CHGA: variants seen among roughly 807,000 people sequenced by gnomAD.
CHGA encodes the protein chromogranin A, also known as chromogranin-A.
CHGA carries 41 observed loss-of-function variants against 54.4 expected under a neutral mutation model. The ratio of observed to expected loss-of-function variants is 0.75; its 90% CI spans 0.59 to 0.98. The LOEUF is 0.98. Ranked by LOEUF, CHGA falls within the 50% of genes least tolerant of loss-of-function variation. The pLI, the probability that CHGA is intolerant of heterozygous loss-of-function variation, is 0.00. For missense variants in CHGA, 576 were observed against 582.3 expected (o/e 0.99, Z 0.11); for synonymous variants, 249 against 232.8 (o/e 1.07, Z -0.63).
rs1886995415 is a variant in CHGA at position 92,931,501 on chromosome 14, A to G, written c.607A>G (p.Ser203Gly). The change falls in exon 6 of 8, where the codon AGT (serine) becomes GGT (glycine). Residue 203 changes from serine (S) to glycine (G), a missense_variant. Physicochemically the swap from Ser to Gly is moderately conservative, Grantham distance 56. Transcript: ENST00000216492. ...KYPGPQAEGD[S>G]EGLSQGLVDR... ...CCCAGGCCCACAGGCCGAGGGGGAC[A>G]GTGAGGGCCTCTCTCAGGGTCTGGT... 5.0e-6 allele frequency: 8 copies of G among 1,612,356 alleles called. No individual in the cohort carries two copies. The highest frequency in any genetic ancestry group is 6.8e-6 in the Non-Finnish European group (8 of 1,179,680).
intron 1 of CHGA, among the ~76,000 whole-genome samples, chr14:92,923,994 G>A (rs1886839475): frequency 6.6e-6 from 1 of 152,216 alleles, no homozygotes; most frequent in Non-Finnish European, 1.5e-5. Context: ...GGGAGGGGGA[G>A]GACCTCTCAG....
chr14:92,932,525 A>G lies in CHGA; in HGVS notation c.964A>G (p.Ser322Gly). ...GCAAGGCCTCTTCCGGGGTGGGAAG[A>G]GCGGAGAGCTGGAGCAGGAGGAGGA... ...VPQGLFRGGK[S>G]GELEQEEERL... The change falls in exon 7 of 8, where the codon AGC (serine) becomes GGC (glycine). Residue 322 changes from serine (S) to glycine (G), a missense_variant. By Grantham distance (56) the Ser-to-Gly change is moderately conservative. Coordinates refer to ENST00000216492, the MANE Select transcript of CHGA (RefSeq NM_001275.4). The surrounding 1 kb of genome is among the most constrained non-coding windows in gnomAD (Gnocchi z 5.3). The G allele has an allele frequency of 3.9e-6, 6 of 1,553,646 alleles. 1 individual carries two copies. Among genetic ancestry groups the G allele is most frequent in the East Asian group, 4.8e-5 (2 of 41,400 alleles).
intron 1 of CHGA, 77 bp downstream of exon 1, chr14:92,923,482 G>A: frequency 8.5e-7 from 1 of 1,176,804 alleles, no homozygotes; most frequent in Non-Finnish European, 1.1e-6. Context: ...ACCGCGCGGC[G>A]CCCCGCACCC....
intron 4 of CHGA, 110 bp from the exon 5 acceptor site, chr14:92,929,607 T>C (rs974625016): frequency 2.1e-6 from 2 of 956,210 alleles, no homozygotes; most frequent in Non-Finnish European, 1.6e-6. Context: ...GGGCAGGCCC[T>C]GAACATGATG....
chr14:92,922,797 A>G (rs1242834227), upstream of CHGA, among the ~76,000 whole-genome samples: 1 of 152,190 alleles, frequency 6.6e-6, no homozygotes, highest in Non-Finnish European at 1.5e-5. Flanking sequence ...TAGGAAAAAT[A>G]GCACGGGGTG....
At chr14:92,928,723 T>C (rs1294758630) in intron 4 of CHGA, among the ~76,000 whole-genome samples, 2 of 152,248 alleles carry the variant, frequency 1.3e-5, no homozygotes, top group African/African-American at 4.8e-5. Context: ...TCTATTCACA[T>C]GCACGTGTGT....
intron 2 of CHGA, 26 bp downstream of exon 2, chr14:92,924,271 G>A (rs1453883269): frequency 6.2e-7 from 1 of 1,606,008 alleles, no homozygotes; most frequent in East Asian, 2.2e-5. Flanking sequence ...GGGGATGAGG[G>A]GTAGGAGGCT....
At position 92,923,296 on chromosome 14, in the gene CHGA, G is replaced by T; in HGVS notation, c.-64G>T. On this transcript the variant is annotated 5_prime_UTR_variant, in exon 1 of 8. Coordinates refer to ENST00000216492, the MANE Select transcript of CHGA (RefSeq NM_001275.4). ...CCCGACCCCGGCCGCCAGTCCAGCC[G>T]CCCCTCGCCCGGTGCCTAGGTGCCC... 11 of 1,260,368 alleles carry T rather than the reference G, an allele frequency of 8.7e-6. No homozygotes were observed. The highest frequency in any genetic ancestry group is 1.1e-5 in the Non-Finnish European group (11 of 1,004,164). The allele number at this position is 1,260,368 out of a possible 1,614,324, so 78.1% of individuals were successfully genotyped here.
At position 92,932,031 on chromosome 14, in the gene CHGA, G is replaced by T. The variant is rs1269655318; in HGVS notation, c.808+329G>T. On this transcript the variant is annotated intron_variant, in intron 6 of 7. Transcript: ENST00000216492. This position sits in a 1 kb window ranked among gnomAD's most constrained non-coding sequence, Gnocchi z 5.3. ...GGCTGGCTTTGGGAACAGAGACCAT[G>T]GCAGGAGCGCACAGGCTGATCTGGG... The T allele has an allele frequency of 2.2e-6, 1 of 453,104 alleles. No individual in the cohort carries two copies. The highest frequency in any genetic ancestry group is 2.0e-5 in the African/African-American group (1 of 51,120). The allele number at this position is 453,104 out of a possible 1,614,324, so 28.1% of individuals were successfully genotyped here.
In CHGA at chr14:92,932,630, C is replaced by A. The variant is rs546878181; in HGVS notation, c.1069C>A (p.Arg357=). 1.9e-6 allele frequency: 3 copies of A among 1,592,640 alleles called. No individual in the cohort carries two copies. Among genetic ancestry groups the A allele is most frequent in the South Asian group, 2.3e-5 (2 of 87,650 alleles). ...QLAKELTAEK[R]LEGQEEEEDN... ...GGCCAAGGAGCTGACGGCTGAGAAG[C>A]GGCTGGAGGGGCAGGAGGAGGAGGA... Residue 357 remains arginine (R), a synonymous_variant, in exon 7 of 8, where the codon CGG becomes AGG. Transcript: ENST00000216492. This position sits in a 1 kb window ranked among gnomAD's most constrained non-coding sequence, Gnocchi z 5.3.
intron 5 of CHGA, 98 bp from the exon 6 acceptor site, chr14:92,931,152 C>T (rs891163456): frequency 3.8e-6 from 5 of 1,303,714 alleles, no homozygotes; most frequent in Non-Finnish European, 5.3e-6. Context: ...TCGCTGGAAG[C>T]CAAGAAACAT....
At chr14:92,934,736 T>C in intron 7 of CHGA, 65 bp from the exon 8 acceptor site, 2 of 1,301,814 alleles carry the variant, frequency 1.5e-6, no homozygotes, top group Non-Finnish European at 2.2e-6. Flanking sequence ...AGCGCCTTTC[T>C]GGCTTACTGT....
Position 92,931,559 on chromosome 14 carries a change from G to T in CHGA, c.665G>T (p.Gly222Val), listed in dbSNP as rs757338290. ...GAGAAGGGCCTGAGTGCAGAGCCAG[G>T]GTGGCAGGCAAAGAGAGAAGAGGAG... is the stretch of plus-strand genomic sequence containing the variant. ...DREKGLSAEP[G>V]WQAKREEEEE... Residue 222 changes from glycine (G) to valine (V), a missense_variant, in exon 6 of 8, where the codon GGG becomes GTG. By Grantham distance (109) the Gly-to-Val change is moderately radical. Transcript: ENST00000216492. The T allele has an allele frequency of 6.2e-7, 1 of 1,612,952 alleles. No homozygotes were observed. The highest frequency in any genetic ancestry group is 1.1e-5 in the South Asian group (1 of 91,018).
In CHGA at chr14:92,932,229, C is replaced by A; in HGVS notation, c.809-141C>A. 2 of 1,210,050 alleles carry A rather than the reference C, an allele frequency of 1.7e-6. No homozygotes were observed. The highest frequency in any genetic ancestry group is 2.2e-6 in the Non-Finnish European group (2 of 895,174). The allele number at this position is 1,210,050 out of a possible 1,614,324, so 75.0% of individuals were successfully genotyped here. ...GAGAGGGTCTTGCAAAGCCTGGCAT[C>A]AAGAAGGTTTTTCCCGCTAAGCGTC... On this transcript the variant is annotated intron_variant, in intron 6 of 7. Transcript: ENST00000216492. This position sits in a 1 kb window ranked among gnomAD's most constrained non-coding sequence, Gnocchi z 5.3.
Position 92,931,681 on chromosome 14 carries a change from A to C in CHGA, c.787A>C (p.Lys263Gln). ...GAACCCCCACCCGAGCCTTGGCTAC[A>C]AGGAGATCCGGAAAGGCGAGAGTAC... ...VLNPHPSLGY[K>Q]EIRKGESRSE... Residue 263 changes from lysine to glutamine, a missense_variant, in exon 6 of 8, where the codon AAG (lysine) becomes CAG (glutamine). Lys to Gln is a moderately conservative substitution (Grantham distance 53). Transcript: ENST00000216492. 1 of 1,583,178 alleles carries C rather than the reference A, an allele frequency of 6.3e-7. No homozygotes were observed. The highest frequency in any genetic ancestry group is 8.6e-7 in the Non-Finnish European group (1 of 1,161,336).
At chr14:92,927,504 C>T (rs1041037242) in intron 3 of CHGA, 46 bp from the exon 4 acceptor site, 33 of 1,461,636 alleles carry the variant, frequency 2.3e-5, no homozygotes, top group African/African-American at 4.2e-5. Flanking sequence ...ATCTCTTTCT[C>T]GGCTGTTCTC....
At position 92,932,347 on chromosome 14, in the gene CHGA, C is replaced by A; in HGVS notation, c.809-23C>A. ...TGGTGGTCCCCCACCCATTCTCCTG[C>A]TCTTGCCCACCACCTGCTCCAGGTC... On this transcript the variant is annotated intron_variant, in intron 6 of 7. Transcript: ENST00000216492. The surrounding 1 kb of genome is among the most constrained non-coding windows in gnomAD (Gnocchi z 5.3). The A allele has an allele frequency of 6.4e-7, 1 of 1,558,022 alleles. No homozygotes were observed. The highest frequency in any genetic ancestry group is 1.2e-5 in the South Asian group (1 of 82,888).
chr14:92,929,126 G>C (rs909019384), intron 4 of CHGA, among the ~76,000 whole-genome samples: 9 of 152,356 alleles, frequency 5.9e-5, no homozygotes, highest in Admixed American at 1.3e-4. Context: ...CAGCGGCGGC[G>C]GGGGGAGAGG....
chr14:92,931,966 C>T (rs1000597391), intron 6 of CHGA, among the ~76,000 whole-genome samples: 1 of 152,168 alleles, frequency 6.6e-6, no homozygotes, highest in Non-Finnish European at 1.5e-5. Context: ...CACATAGCCT[C>T]CCCCCACCAA....
Sources: gnomAD v4.1 joint callset for allele counts (sites outside exome capture counted in the v4.1 genomes callset) on GRCh38, gnomAD v4.1.1 for gene constraint, Gnocchi (gnomAD v3.1) non-coding constraint, MANE v1.5 for transcripts, NCBI Gene and HGNC (gene_info 2026-07-23, HGNC 2026-07-21) for gene names.